Variants in NID2 observed in about 807,000 individuals in gnomAD.
NID2 encodes nidogen 2.
NID2 carries 83 observed loss-of-function variants against 145.4 expected under a neutral mutation model. That is an observed-to-expected ratio of 0.57 (90% CI 0.48 to 0.69). NID2 has a LOEUF of 0.69. Among genes scored for constraint, NID2 ranks in the 30% least tolerant of loss-of-function variants. The pLI is 0.00. For synonymous variants in NID2, 739 were observed against 701.3 expected (o/e 1.05, Z -0.85); for missense variants, 1,807 against 1,765.7 (o/e 1.02, Z -0.42).
In NID2 at chr14:52,005,839, C is replaced by T. The variant is rs920190607; in HGVS notation, c.4015G>A (p.Val1339Ile). 88 of 1,607,230 alleles carry T rather than the reference C, an allele frequency of 5.5e-5. No homozygotes were observed. Among genetic ancestry groups the T allele is most frequent in the Non-Finnish European group, 7.3e-5 (86 of 1,173,894 alleles). ...YHTDWRRDGV[V>I]SVNKHSGQFT... ...TGGCCACTATGTTTATTTACTGATA[C>T]AACACCATCCCTGGTAACAGAAAGG... Residue 1339 changes from valine (V) to isoleucine (I), a missense_variant, in exon 21 of 22, where the codon GTA becomes ATA. Val to Ile is a conservative substitution (Grantham distance 29). Transcript: ENST00000216286.
At chr14:52,014,606 A>C (rs1891151267) in intron 15 of NID2, 150 bp from the exon 16 acceptor site, 2 of 850,854 alleles carry the variant, frequency 2.4e-6, no homozygotes, top group East Asian at 5.3e-5. Context: ...TTCAAAAGAA[A>C]TTCTAATTTC....
At chr14:52,014,726 A>T (rs1891155749) in intron 15 of NID2, among the ~76,000 whole-genome samples, 1 of 151,878 alleles carries the variant, frequency 6.6e-6, no homozygotes, top group Non-Finnish European at 1.5e-5. Flanking sequence ...CAAGAGAAAA[A>T]AAAAACAGAG....
intron 2 of NID2, among the ~76,000 whole-genome samples, chr14:52,060,821 AT>A (rs1381025016): frequency 6.6e-6 from 1 of 152,146 alleles, no homozygotes. Flanking sequence ...AATGACCACT[AT>A]GGGCAGGCAC....
chr14:52,011,835 G>A (rs532970970), intron 16 of NID2, 152 bp from the exon 17 acceptor site: 116 of 881,004 alleles, frequency 1.3e-4, no homozygotes, highest in South Asian at 8.7e-4. Context: ...GTGGGCACTC[G>A]GGTGAAATCT....
chr14:52,015,193 G>A lies in NID2; in HGVS notation c.3111C>T (p.Asp1037=), dbSNP rs1422740644. 6.2e-7 allele frequency: 1 copy of A among 1,614,116 alleles called. No homozygotes were observed. The highest frequency in any genetic ancestry group is 8.5e-7 in the Non-Finnish European group (1 of 1,180,010). Residue 1037 remains aspartate, a synonymous_variant, in exon 15 of 22, where the codon GAC becomes GAT. Transcript: ENST00000216286. ...GGTCATCGCACTGGGGCACGTACTGGTCATCCCGGGGGGTGCCACCGTAGT... is the reference window on the plus strand; with the variant it reads ...GGTCATCGCACTGGGGCACGTACTGATCATCCCGGGGGGTGCCACCGTAGT... ...LEHYGGTPRD[D]QYVPQCDDLG... is the part of the protein sequence containing the mutation.
intron 9 of NID2, among the ~76,000 whole-genome samples, chr14:52,030,975 C>G (rs148460751): frequency 6.6e-6 from 1 of 152,250 alleles, no homozygotes; most frequent in African/African-American, 2.4e-5. Flanking sequence ...GAGGAAAATA[C>G]TATCTCCACT....
chr14:52,059,890 A>G (rs534136931), intron 3 of NID2, among the ~76,000 whole-genome samples: 1 of 152,324 alleles, frequency 6.6e-6, no homozygotes, highest in South Asian at 2.1e-4. Context: ...ATACACACAC[A>G]TACTGTTCTG....
chr14:52,024,029 T>C (rs1291715025), intron 12 of NID2, among the ~76,000 whole-genome samples: 1 of 152,244 alleles, frequency 6.6e-6, no homozygotes, highest in Non-Finnish European at 1.5e-5. Flanking sequence ...CACATACACA[T>C]ATATTTCAAT....
At chr14:52,020,365 AAATC>A (rs1181339074) in intron 12 of NID2, 187 bp from the exon 13 acceptor site, 2 of 890,068 alleles carry the variant, frequency 2.2e-6, no homozygotes, top group Non-Finnish European at 1.6e-6. Context: ...GGAAGAAAAA[AAATC>A]AAGGAACATG....
chr14:52,011,613 C>G lies in NID2; in HGVS notation c.3491G>C (p.Arg1164Pro). ...TTCCAGACCAGCACGGCTGATTGTCCGTCCAGCAACATCTGTCCAGTACAC... is the reference window on the plus strand; with the variant it reads ...TTCCAGACCAGCACGGCTGATTGTCGGTCCAGCAACATCTGTCCAGTACAC... ...RMVYWTDVAG[R>P]TISRAGLELG... is the part of the protein sequence containing the mutation. The change falls in exon 17 of 22, where the codon CGG (arginine) becomes CCG (proline). Residue 1164 changes from arginine (R) to proline (P), a missense_variant. Physicochemically the swap from Arg to Pro is moderately radical, Grantham distance 103. Transcript: ENST00000216286. 2.5e-6 allele frequency: 4 copies of G among 1,614,188 alleles called. No homozygotes were observed. Among genetic ancestry groups the G allele is most frequent in the Non-Finnish European group, 3.4e-6 (4 of 1,180,028 alleles).
chr14:52,048,029 C>A (rs1892562876), intron 5 of NID2, among the ~76,000 whole-genome samples: 2 of 152,194 alleles, frequency 1.3e-5, no homozygotes, highest in Admixed American at 1.3e-4. Flanking sequence ...GATTCTCACA[C>A]CAATTGGTGT....
At position 52,006,607 on chromosome 14, in the gene NID2, G is replaced by C. The variant is rs1413025379; in HGVS notation, c.3934C>G (p.Gln1312Glu). 3.1e-6 allele frequency: 5 copies of C among 1,613,886 alleles called. 1 individual carries two copies. The South Asian group carries it at 5.5e-5, about 18-fold the overall frequency. Residue 1312 changes from glutamine to glutamate, a missense_variant, in exon 20 of 22, where the codon CAA becomes GAA. By Grantham distance (29) the Gln-to-Glu change is conservative. Transcript: ENST00000216286. ...LPDGTGRRVI[Q>E]NNLKYPFSIV... ...CTGAAGGGGTACTTGAGGTTGTTTT[G>C]AATGACACGCCGTCCAGTTCCATCA...
At chr14:52,041,572 T>C (rs1892280532) in intron 7 of NID2, among the ~76,000 whole-genome samples, 1 of 152,152 alleles carries the variant, frequency 6.6e-6, no homozygotes, top group African/African-American at 2.4e-5. Flanking sequence ...ACCTCCTAGC[T>C]TGGTAGAAAA....
chr14:52,030,594 G>A (rs1459655870), intron 9 of NID2, among the ~76,000 whole-genome samples: 3 of 77,690 alleles, frequency 3.9e-5, no homozygotes, highest in African/African-American at 8.3e-5. Flanking sequence ...AAGAAAGAAA[G>A]AAAGAAAGAA....
In NID2 at chr14:52,054,252, G is replaced by C. The variant is rs1303893495; in HGVS notation, c.837C>G (p.Val279=). The change falls in exon 4 of 22, where the codon GTC becomes GTG. Residue 279 remains valine, a synonymous_variant. Coordinates refer to ENST00000216286, the MANE Select transcript of NID2 (RefSeq NM_007361.4). Reference sequence around the variant, plus strand: ...AAAGGTCTCCAACTGCAGCTGGCCTGACATTGTCCAACGGGGAAGTGCTGC... The same window carrying C: ...AAAGGTCTCCAACTGCAGCTGGCCTCACATTGTCCAACGGGGAAGTGCTGC... ...HIGSTSPLDN[V]RPAAVGDLSA... 1 of 1,614,182 alleles carries C rather than the reference G, an allele frequency of 6.2e-7. No individual in the cohort carries two copies. Among genetic ancestry groups the C allele is most frequent in the East Asian group, 2.2e-5 (1 of 44,890 alleles).
Position 52,040,799 on chromosome 14 carries a change from C to G in NID2, c.1878G>C (p.Thr626=), listed in dbSNP as rs200315854. The G allele has an allele frequency of 1.2e-6, 2 of 1,614,132 alleles. No individual in the cohort carries two copies. The highest frequency in any genetic ancestry group is 2.2e-5 in the South Asian group (2 of 91,070). ...MEVTFYPGEE[T]VRITQTAEGL... is the part of the protein sequence containing the mutation. ...CCTCAGCAGTTTGAGTGATACGAAC[C>G]GTCTCCTCTCCCGGGTAGAATGTAA... Residue 626 remains threonine, a synonymous_variant, in exon 8 of 22, where the codon ACG becomes ACC. Transcript: ENST00000216286.
At position 52,020,146 on chromosome 14, in the gene NID2, G is replaced by A; in HGVS notation, c.2707C>T (p.Pro903Ser). 1 of 1,614,046 alleles carries A rather than the reference G, an allele frequency of 6.2e-7. No homozygotes were observed. The change falls in exon 13 of 22, where the codon CCT becomes TCT. Residue 903 changes from proline (P) to serine (S), a missense_variant. Transcript: ENST00000216286. ...VDECSENRCH[P>S]AATCYNTPGS... ...GGAGTATTGTAGCAGGTAGCTGCAG[G>A]GTGACATCTGTTTTCTGAGCATTCA...
At chr14:52,042,738 C>A (rs1274416829) in intron 6 of NID2, 44 bp downstream of exon 6, 6 of 1,595,592 alleles carry the variant, frequency 3.8e-6, no homozygotes, top group Non-Finnish European at 5.1e-6. Context: ...AACAGGTAAG[C>A]AGCAGGAATA....
At position 52,042,811 on chromosome 14, in the gene NID2, T is replaced by C; in HGVS notation, c.1550A>G (p.Tyr517Cys). The C allele has an allele frequency of 3.1e-6, 5 of 1,614,124 alleles. No individual in the cohort carries two copies. Among genetic ancestry groups the C allele is most frequent in the South Asian group, 1.1e-5 (1 of 91,070 alleles). The stretch of plus-strand genomic sequence containing the variant: ...AGGCAGACAGTGCTTCCCATTTCCA[T>C]AAAACTTGGATTGGCAGTGGCAGCA... The part of the protein sequence containing the change: ...GFCCHCQSKF[Y>C]GNGKHCLPEG... Residue 517 changes from tyrosine to cysteine, a missense_variant, in exon 6 of 22, where the codon TAT (tyrosine) becomes TGT (cysteine). Tyr to Cys is a radical substitution (Grantham distance 194). Transcript: ENST00000216286.
Sources: allele counts gnomAD v4.1 joint callset (sites outside exome capture counted in the v4.1 genomes callset), GRCh38; gene constraint gnomAD v4.1.1; transcripts MANE v1.5; gene names NCBI Gene and HGNC (gene_info 2026-07-23, HGNC 2026-07-21).